Variants in MORF4L2 observed in about 807,000 individuals in gnomAD.
MORF4L2 encodes the protein mortality factor 4-like protein 2.
A neutral mutation model predicts 12.0 loss-of-function variants in MORF4L2; 1 was observed. That is an observed-to-expected ratio of 0.08 (90% CI 0.03 to 0.40). The LOEUF is 0.40. MORF4L2 is among the 10% of genes least tolerant of loss of function. The probability of loss-of-function intolerance (pLI) is 0.98; values close to 1 mark genes in which losing one functional copy is unlikely to be tolerated. For synonymous variants in MORF4L2, 69 were observed against 81.6 expected, an observed-to-expected ratio of 0.85 and a Z score of 0.83; for missense variants, 123 against 214.0, an observed-to-expected ratio of 0.57 and a Z score of 2.65.
intron 2 of MORF4L2, among the ~76,000 whole-genome samples, chrX:103,682,630 G>A (rs1394656462): frequency 8.9e-6 from 1 of 111,840 alleles, no homozygotes; most frequent in Non-Finnish European, 1.9e-5. Context: ...TCACGTTATC[G>A]TATATGAATA....
chrX:103,678,786 G>C (rs2073907225), intron 2 of MORF4L2, 135 bp from the exon 3 acceptor site: 1 of 112,634 alleles, frequency 8.9e-6, no homozygotes, highest in Admixed American at 9.4e-5. Flanking sequence ...CTGTCAGACA[G>C]ATCTTTACTT....
chrX:103,684,239 TC>T (rs2147696066), intron 2 of MORF4L2, among the ~76,000 whole-genome samples: 1 of 110,258 alleles, frequency 9.1e-6, no homozygotes, highest in African/African-American at 3.3e-5. Context: ...ATCAATTTTC[TC>T]TTCTGGATCT....
chrX:103,682,032 C>A (rs1010755056), intron 2 of MORF4L2, among the ~76,000 whole-genome samples: 1 of 111,323 alleles, frequency 9.0e-6, no homozygotes, highest in Non-Finnish European at 1.9e-5. Context: ...CATGTACATT[C>A]ACATAAAATG....
Position 103,676,154 on chromosome X carries a change from T to C in MORF4L2, c.*7A>G. The C allele has an allele frequency of 1.7e-6, 2 of 1,184,122 alleles. No homozygotes were observed. The highest frequency in any genetic ancestry group is 2.3e-6 in the Non-Finnish European group (2 of 882,644). ...CAGGACAAAAATGGTGAGCTGTCTG[T>C]AGACGCTCACAGGGCTTTGCGGTGG... On this transcript the variant is annotated 3_prime_UTR_variant, in exon 4 of 4. Transcript: ENST00000441076.
Position 103,676,123 on chromosome X carries a change from C to T in MORF4L2, c.*38G>A. 2 of 1,137,303 alleles carry T rather than the reference C, an allele frequency of 1.8e-6. No individual in the cohort carries two copies. The highest frequency in any genetic ancestry group is 2.3e-6 in the Non-Finnish European group (2 of 858,717). The allele number at this position is 1,137,303 out of a possible 1,213,427, so 93.7% of individuals were successfully genotyped here. On this transcript the variant is annotated 3_prime_UTR_variant, in exon 4 of 4. Transcript: ENST00000441076. ...AAAGACTAAGAACAAAAAGTGTTTACAGATACAGGACAAAAATGGTGAGCT... is the reference window on the plus strand; with the variant it reads ...AAAGACTAAGAACAAAAAGTGTTTATAGATACAGGACAAAAATGGTGAGCT...
rs967658515 is a variant in MORF4L2 at position 103,680,696 on chromosome X, AC to A, written c.-177-2046del. Among the ~76,000 whole-genome samples, 158 of 112,266 alleles carry A rather than the reference AC, an allele frequency of 1.4e-3. 2 individuals are homozygous for A. Among genetic ancestry groups the A allele is most frequent in the African/African-American group, 4.6e-3 (141 of 30,891 alleles). ...TGTGTGAGAATATCTTGGGGATGGG[AC>A]CCCAGTCTAAACAGGAAATTCATTT... is the stretch of plus-strand genomic sequence containing the variant. On this transcript the variant is annotated intron_variant, in intron 2 of 3. Transcript: ENST00000441076.
Position 103,675,915 on chromosome X carries a change from A to G in MORF4L2, c.*246T>C. The G allele has an allele frequency of 3.3e-6, 1 of 304,944 alleles. No homozygotes were observed. The highest frequency in any genetic ancestry group is 5.7e-6 in the Non-Finnish European group (1 of 176,584). The allele number at this position is 304,944 out of a possible 1,213,427, so 25.1% of individuals were successfully genotyped here. A position where few individuals can be genotyped will look rare whatever the true frequency, so the allele number is the denominator to read the frequency against. On this transcript the variant is annotated 3_prime_UTR_variant, in exon 4 of 4. Coordinates refer to ENST00000441076, the MANE Select transcript of MORF4L2 (RefSeq NM_012286.3). ...ATTCAAGCAATGTTGTCAACTAGGC[A>G]ATAAAATGTTCTACTGAATGTTTCT...
At chrX:103,677,177 G>T in intron 3 of MORF4L2, 126 bp from the exon 4 acceptor site, 1 of 510,169 alleles carries the variant, frequency 2.0e-6, no homozygotes, top group Non-Finnish European at 2.9e-6. Flanking sequence ...TCCTATTTCA[G>T]GACCCTTTAT....
upstream of MORF4L2, among the ~76,000 whole-genome samples, chrX:103,687,755 TC>T (rs2074149759): frequency 9.0e-6 from 1 of 110,971 alleles, no homozygotes; most frequent in South Asian, 3.8e-4. Context: ...ACCACAGCCC[TC>T]CAATGATTCA....
intron 2 of MORF4L2, among the ~76,000 whole-genome samples, chrX:103,679,881 A>AAAAAG (rs1556144426): frequency 0.032 from 1,551 of 48,562 alleles, 107 homozygotes; most frequent in East Asian, 0.055. Context: ...AAAAAAAAAA[A>AAAAAG]AAAAGAAAAG....
At position 103,677,584 on chromosome X, in the gene MORF4L2, A is replaced by C. The variant is rs2073876900; in HGVS notation, c.-24-533T>G. ...AAGGAGGGAGGAATCTGCAATTTCA[A>C]GCCTGGGTAATTAATGAACTTAATG... On this transcript the variant is annotated intron_variant, in intron 3 of 3. Transcript: ENST00000441076. Among the ~76,000 whole-genome samples the C allele has an allele frequency of 7.1e-5, 8 of 112,147 alleles. No individual in the cohort carries two copies. The Admixed American group carries it at 7.6e-4, about 11-fold the overall frequency.
chrX:103,677,076 T>A lies in MORF4L2; in HGVS notation c.-24-25A>T, dbSNP rs748266898. The A allele has an allele frequency of 3.8e-6, 4 of 1,057,885 alleles. No homozygotes were observed. In the African/African-American group the frequency reaches 7.8e-5, roughly 21 times the overall value. 87.2% of individuals were successfully genotyped at this position (1,057,885 alleles called of 1,213,427 possible). A position where few individuals can be genotyped will look rare whatever the true frequency, so the allele number is the denominator to read the frequency against. On this transcript the variant is annotated intron_variant, in intron 3 of 3. Coordinates refer to ENST00000441076, the MANE Select transcript of MORF4L2 (RefSeq NM_012286.3). ...ACTGTAATATATAAAATATTTTACT[T>A]GGTTGTTTTCTATGGCAACCTTTAA...
At chrX:103,681,320 A>G (rs1325731014) in intron 2 of MORF4L2, among the ~76,000 whole-genome samples, 1 of 112,111 alleles carries the variant, frequency 8.9e-6, no homozygotes, top group Non-Finnish European at 1.9e-5. Context: ...AGGTGAGCTC[A>G]TAAGGGCTAT....
intron 2 of MORF4L2, among the ~76,000 whole-genome samples, chrX:103,681,130 A>G (rs958769259): frequency 1.8e-5 from 2 of 111,770 alleles, no homozygotes; most frequent in Admixed American, 1.9e-4. Context: ...CAACACATGG[A>G]GAAAATGAGG....
chrX:103,684,554 T>TTA (rs1168541597), intron 2 of MORF4L2: 1 of 109,194 alleles, frequency 9.2e-6, no homozygotes, highest in East Asian at 3.0e-4. Context: ...TTAATTATTA[T>TTA]TTTTTTTTTA....
intron 2 of MORF4L2, among the ~76,000 whole-genome samples, chrX:103,682,104 TATTTA>T (rs771423658): frequency 1.1e-3 from 118 of 111,885 alleles, no homozygotes; most frequent in African/African-American, 3.4e-3. Flanking sequence ...AGCATGCATT[TATTTA>T]ATTTGTTTTG....
upstream of MORF4L2, chrX:103,687,324 G>A (rs2147710125): frequency 8.9e-6 from 1 of 112,465 alleles, no homozygotes; most frequent in South Asian, 3.6e-4. Flanking sequence ...GGGTTCTGCT[G>A]TGTTTGCAAG....
rs953673304 is a variant in MORF4L2, at chrX:103,676,146, G to A, written c.*15C>T. 1.7e-6 allele frequency: 2 copies of A among 1,162,762 alleles called. No homozygotes were observed. The highest frequency in any genetic ancestry group is 3.0e-5 in the East Asian group (1 of 33,290). On this transcript the variant is annotated 3_prime_UTR_variant, in exon 4 of 4. Coordinates refer to ENST00000441076, the MANE Select transcript of MORF4L2 (RefSeq NM_012286.3). ...TACAGATACAGGACAAAAATGGTGA[G>A]CTGTCTGTAGACGCTCACAGGGCTT...
At chrX:103,684,258 T>C (rs956220043) in intron 2 of MORF4L2, among the ~76,000 whole-genome samples, 2 of 104,941 alleles carry the variant, frequency 1.9e-5, no homozygotes. Flanking sequence ...TCTTGAAACA[T>C]TTCCATTACA....
Sources: allele counts gnomAD v4.1 joint callset (sites outside exome capture counted in the v4.1 genomes callset), GRCh38; gene constraint gnomAD v4.1.1; transcripts MANE v1.5; gene names NCBI Gene and HGNC (gene_info 2026-07-23, HGNC 2026-07-21).